Variants in CTNNBL1 observed in about 807,000 individuals in gnomAD.
CTNNBL1 encodes the protein beta-catenin-like protein 1.
A neutral mutation model predicts 72.7 loss-of-function variants in CTNNBL1; 31 were observed. The ratio of observed to expected loss-of-function variants is 0.43; its 90% CI spans 0.32 to 0.58. CTNNBL1 has a LOEUF of 0.58. Ranked by LOEUF, CTNNBL1 falls within the 20% of genes least tolerant of loss-of-function variation. CTNNBL1 has a pLI of 0.08. For synonymous variants in CTNNBL1, 240 were observed against 267.3 expected, an observed-to-expected ratio of 0.90 and a Z score of 1.00; for missense variants, 534 against 725.1, an observed-to-expected ratio of 0.74 and a Z score of 3.03.
At chr20:37,748,187 C>T (rs2073284942) in intron 4 of CTNNBL1, among the ~76,000 whole-genome samples, 4 of 152,168 alleles carry the variant, frequency 2.6e-5, no homozygotes, top group Non-Finnish European at 1.5e-5. Context: ...CTGGTAATCT[C>T]TCTCCTGAGA....
At chr20:37,704,927 C>T (rs1444750844) in intron 1 of CTNNBL1, among the ~76,000 whole-genome samples, 1 of 152,216 alleles carries the variant, frequency 6.6e-6, no homozygotes, top group Non-Finnish European at 1.5e-5. Flanking sequence ...TTGGTGAAGA[C>T]AGCCATGTCT....
chr20:37,864,784 T>A (rs1412544429), intron 15 of CTNNBL1, among the ~76,000 whole-genome samples: 2 of 151,536 alleles, frequency 1.3e-5, no homozygotes, highest in Non-Finnish European at 2.9e-5. Flanking sequence ...AGAGGAGGAG[T>A]CAGTTACTGC....
At chr20:37,838,751 G>A (rs907312850) in intron 11 of CTNNBL1, among the ~76,000 whole-genome samples, 15 of 152,182 alleles carry the variant, frequency 9.9e-5, no homozygotes, top group Admixed American at 9.8e-4. Flanking sequence ...GCCAGACATG[G>A]TGTTGTGCAC....
chr20:37,778,973 C>T (rs2073600732), intron 9 of CTNNBL1, among the ~76,000 whole-genome samples: 1 of 150,302 alleles, frequency 6.7e-6, no homozygotes, highest in South Asian at 2.1e-4. Flanking sequence ...ACCCAGTGGT[C>T]AGTAGAGTGT....
At chr20:37,747,338 G>A (rs1417834716) in intron 4 of CTNNBL1, among the ~76,000 whole-genome samples, 1 of 124,400 alleles carries the variant, frequency 8.0e-6, no homozygotes, top group Non-Finnish European at 1.6e-5. Context: ...TCATGCCACT[G>A]TATGCTACTC....
At chr20:37,857,548 C>A (rs749071485) in intron 13 of CTNNBL1, among the ~76,000 whole-genome samples, 15 of 152,038 alleles carry the variant, frequency 9.9e-5, no homozygotes, top group Non-Finnish European at 2.1e-4. Flanking sequence ...TCATAGGAGC[C>A]GAGATGAAAA....
At chr20:37,844,817 G>A (rs1272692317) in intron 13 of CTNNBL1, among the ~76,000 whole-genome samples, 1 of 152,094 alleles carries the variant, frequency 6.6e-6, no homozygotes, top group Non-Finnish European at 1.5e-5. Flanking sequence ...GCATGATGGC[G>A]CACGCGTGTA....
intron 13 of CTNNBL1, among the ~76,000 whole-genome samples, chr20:37,846,296 G>T (rs1275160433): frequency 6.6e-6 from 1 of 152,108 alleles, no homozygotes; most frequent in Non-Finnish European, 1.5e-5. Context: ...GCAGTGGGAA[G>T]CCAAGTGAAG....
At chr20:37,848,311 C>G (rs768138009) in intron 13 of CTNNBL1, among the ~76,000 whole-genome samples, 1 of 152,034 alleles carries the variant, frequency 6.6e-6, no homozygotes, top group Non-Finnish European at 1.5e-5. Context: ...TGTGCCACCA[C>G]GCCCAGCTAA....
chr20:37,852,768 T>A (rs2072408357), intron 13 of CTNNBL1, among the ~76,000 whole-genome samples: 2 of 152,184 alleles, frequency 1.3e-5, no homozygotes, highest in Admixed American at 1.3e-4. Context: ...TTTTGTATCA[T>A]ACTCTGTACT....
intron 13 of CTNNBL1, among the ~76,000 whole-genome samples, chr20:37,859,633 T>A (rs1433840248): frequency 6.6e-6 from 1 of 151,438 alleles, no homozygotes; most frequent in Non-Finnish European, 1.5e-5. Flanking sequence ...TTTTTTTATA[T>A]GTGGATGAGA....
chr20:37,829,199 A>T (rs972397878), intron 11 of CTNNBL1, among the ~76,000 whole-genome samples: 1 of 152,342 alleles, frequency 6.6e-6, no homozygotes, highest in South Asian at 2.1e-4. Context: ...CTGCTGTTTG[A>T]TTTCCTTAAA....
rs6020833 is a variant in CTNNBL1 at position 37,775,602 on chromosome 20, T to C, written c.751-1743T>C. Among the ~76,000 whole-genome samples the C allele has an allele frequency of 3.2e-3, 494 of 152,358 alleles. 7 individuals carry two copies. The highest frequency in any genetic ancestry group is 0.011 in the African/African-American group (446 of 41,588). On this transcript the variant is annotated intron_variant, in intron 7 of 15. Transcript: ENST00000361383. ...ATTTTCCTTTTTTAAAATTTGATAT[T>C]TCTACAAAATTAATTTTAATTCAGT...
At position 37,846,593 on chromosome 20, in the gene CTNNBL1, T is replaced by G. The variant is rs946076466; in HGVS notation, c.1392+4174T>G. On this transcript the variant is annotated intron_variant, in intron 13 of 15. Coordinates refer to ENST00000361383, the MANE Select transcript of CTNNBL1 (RefSeq NM_030877.5). ...GGTGGTCAGAGAAGCTTTAGCTTTC[T>G]TTTCTCTACAAGGACTGTTTGTGTC... 2.6e-5 allele frequency among the ~76,000 whole-genome samples: 4 copies of G among 152,096 alleles called. No individual in the cohort carries two copies. The East Asian group carries it at 5.8e-4, about 22-fold the overall frequency.
At chr20:37,744,618 T>C (rs2073246411) in intron 3 of CTNNBL1, 1 of 152,218 alleles carries the variant, frequency 6.6e-6, no homozygotes, top group African/African-American at 2.4e-5. Flanking sequence ...TGAGAAGGAT[T>C]CTGAGGCCAG....
intron 11 of CTNNBL1, among the ~76,000 whole-genome samples, chr20:37,830,745 T>G (rs1354672133): frequency 6.6e-6 from 1 of 152,216 alleles, no homozygotes; most frequent in Non-Finnish European, 1.5e-5. Context: ...CAGCCTCACC[T>G]ACCTTAAACA....
chr20:37,790,074 A>G (rs1000701092), intron 10 of CTNNBL1, among the ~76,000 whole-genome samples: 2 of 152,226 alleles, frequency 1.3e-5, no homozygotes, highest in African/African-American at 4.8e-5. Context: ...AAGGTTTTCA[A>G]TAAGATTTTC....
intron 4 of CTNNBL1, chr20:37,751,185 T>C (rs2073316704): frequency 6.6e-6 from 1 of 151,984 alleles, no homozygotes; most frequent in Non-Finnish European, 1.5e-5. Context: ...GCTTCCCAGC[T>C]AAATGCCTTT....
chr20:37,836,884 A>G (rs1015824981), intron 11 of CTNNBL1, among the ~76,000 whole-genome samples: 1 of 150,146 alleles, frequency 6.7e-6, no homozygotes, highest in East Asian at 1.9e-4. Context: ...TTTGGCTCTG[A>G]TTTTTTTTTT....
Sources: gnomAD v4.1 joint callset for allele counts (sites outside exome capture counted in the v4.1 genomes callset) on GRCh38, gnomAD v4.1.1 for gene constraint, MANE v1.5 for transcripts, NCBI Gene and HGNC (gene_info 2026-07-23, HGNC 2026-07-21) for gene names.